KCNIP4: variants seen among roughly 807,000 people sequenced by gnomAD.
KCNIP4 encodes the protein Kv channel-interacting protein 4.
In KCNIP4, 12 loss-of-function variants were observed where a neutral mutation model predicts 34.0. That is an observed-to-expected ratio of 0.35 (90% CI 0.23 to 0.57). The LOEUF is 0.57. Among genes scored for constraint, KCNIP4 ranks in the 20% least tolerant of loss-of-function variants. The pLI is 0.83. For synonymous variants in KCNIP4, 124 were observed against 102.2 expected (o/e 1.21, Z -1.29); for missense variants, 238 against 311.7 (o/e 0.76, Z 1.78).
chr4:21,100,707 G>C (rs985557988), intron 1 of KCNIP4, among the ~76,000 whole-genome samples: 8 of 152,062 alleles, frequency 5.3e-5, no homozygotes, highest in Non-Finnish European at 8.8e-5. Context: ...GCATTTTTTT[G>C]GCAATCAAGT....
At chr4:20,854,194 C>T (rs114209524) in intron 2 of KCNIP4, among the ~76,000 whole-genome samples, 16,011 of 152,204 alleles carry the variant, frequency 0.11, 920 homozygotes, top group Middle Eastern at 0.14. Flanking sequence ...TGCACATGCA[C>T]GTTTACAGCG....
intron 1 of KCNIP4, among the ~76,000 whole-genome samples, chr4:21,722,354 AG>A (rs562500279): frequency 8.5e-4 from 130 of 152,226 alleles, no homozygotes; most frequent in African/African-American, 3.1e-3. Flanking sequence ...AAATGTGTTC[AG>A]GGTAGGCGTT....
At chr4:21,937,655 GT>G (rs1464434964) in intron 1 of KCNIP4, among the ~76,000 whole-genome samples, 1 of 151,888 alleles carries the variant, frequency 6.6e-6, no homozygotes, top group East Asian at 1.9e-4. Flanking sequence ...AACCATTCAG[GT>G]TTTTTTCAAC....
chr4:21,871,251 C>T (rs1329720711), intron 1 of KCNIP4, among the ~76,000 whole-genome samples: 1 of 120,354 alleles, frequency 8.3e-6, no homozygotes, highest in Non-Finnish European at 1.7e-5. Flanking sequence ...CCCCTCCCCC[C>T]TCCCCGCTCC....
At chr4:21,096,720 A>G (rs1446345079) in intron 1 of KCNIP4, among the ~76,000 whole-genome samples, 1 of 152,062 alleles carries the variant, frequency 6.6e-6, no homozygotes, top group Non-Finnish European at 1.5e-5. Context: ...TTTGGTTTTC[A>G]CTTCATATGT....
At chr4:21,915,739 C>A (rs1039446817) in intron 1 of KCNIP4, among the ~76,000 whole-genome samples, 1 of 152,164 alleles carries the variant, frequency 6.6e-6, no homozygotes, top group African/African-American at 2.4e-5. Flanking sequence ...TTGTAGAGAC[C>A]ATCTCTTTCT....
chr4:20,907,999 T>A (rs940312091), intron 1 of KCNIP4, among the ~76,000 whole-genome samples: 1 of 152,176 alleles, frequency 6.6e-6, no homozygotes, highest in African/African-American at 2.4e-5. Flanking sequence ...ATACTGCACA[T>A]TATTGTAATG....
At chr4:21,229,203 T>C (rs552097109) in intron 1 of KCNIP4, among the ~76,000 whole-genome samples, 15 of 152,294 alleles carry the variant, frequency 9.8e-5, no homozygotes, top group Non-Finnish European at 1.9e-4. Context: ...TCATCCGTCT[T>C]CACAAATAAT....
chr4:21,270,621 A>G lies in KCNIP4; in HGVS notation c.62-387912T>C, dbSNP rs559918626. Among the ~76,000 whole-genome samples the G allele has an allele frequency of 3.3e-5, 5 of 152,322 alleles. No individual in the cohort carries two copies. The East Asian group carries it at 9.6e-4, about 29-fold the overall frequency. On this transcript the variant is annotated intron_variant, in intron 1 of 8. Transcript: ENST00000382152. ...TCTGCCACCTTTTTCTGGTTTCTCC[A>G]TTAATAAATATTTGCTATTAGCTCA... is the stretch of plus-strand genomic sequence containing the variant.
intron 1 of KCNIP4, among the ~76,000 whole-genome samples, chr4:20,985,930 G>A (rs1402019983): frequency 6.6e-6 from 1 of 152,118 alleles, no homozygotes; most frequent in African/African-American, 2.4e-5. Context: ...ACCCTTGCTT[G>A]CTCCATGACC....
In KCNIP4 at chr4:21,691,215, A is replaced by C. The variant is rs534615259; in HGVS notation, c.61+257356T>G. ...GCAGGTTCCTAGGATGGGGTCAGAC[A>C]ATGGAAGCAGTAGCAGAAACTCTGA... On this transcript the variant is annotated intron_variant, in intron 1 of 8. Transcript: ENST00000382152. Among the ~76,000 whole-genome samples, 174 of 152,310 alleles carry C rather than the reference A, an allele frequency of 1.1e-3. 1 individual carries two copies. Among genetic ancestry groups the C allele is most frequent in the Non-Finnish European group, 1.1e-3 (77 of 68,020 alleles).
At chr4:21,295,304 G>A (rs750330551) in intron 1 of KCNIP4, among the ~76,000 whole-genome samples, 8 of 152,130 alleles carry the variant, frequency 5.3e-5, no homozygotes, top group South Asian at 2.1e-4. Context: ...GGTATCTGGT[G>A]CAGAGCAAAG....
chr4:21,795,645 CT>C (rs796560456), intron 1 of KCNIP4, among the ~76,000 whole-genome samples: 46 of 150,206 alleles, frequency 3.1e-4, no homozygotes, highest in Admixed American at 8.0e-4. Context: ...TCACACAATA[CT>C]TTTTTTTTTC....
At chr4:21,451,420 G>A (rs562476557) in intron 1 of KCNIP4, among the ~76,000 whole-genome samples, 1 of 152,246 alleles carries the variant, frequency 6.6e-6, no homozygotes, top group African/African-American at 2.4e-5. Flanking sequence ...AGTGAAAAGA[G>A]ATTAAAGTCA....
At chr4:21,182,904 C>A (rs1754947977) in intron 1 of KCNIP4, among the ~76,000 whole-genome samples, 2 of 152,072 alleles carry the variant, frequency 1.3e-5, no homozygotes, top group South Asian at 4.1e-4. Flanking sequence ...CAGCAATTTT[C>A]AAAAATATGT....
chr4:21,263,140 G>C (rs566873427), intron 1 of KCNIP4, among the ~76,000 whole-genome samples: 93 of 152,286 alleles, frequency 6.1e-4, no homozygotes, highest in African/African-American at 2.2e-3. Flanking sequence ...ACACTGACAT[G>C]AGTAATTGGT....
In KCNIP4 at chr4:21,218,977, A is replaced by G. The variant is rs114432142; in HGVS notation, c.62-336268T>C. The stretch of plus-strand genomic sequence containing the variant: ...TCTTGACAATATTTTTAGGACTTCT[A>G]GAAATATTATAAATTCGTAAATTTA... On this transcript the variant is annotated intron_variant, in intron 1 of 8. Coordinates refer to ENST00000382152, the MANE Select transcript of KCNIP4 (RefSeq NM_025221.6). 9.4e-3 allele frequency among the ~76,000 whole-genome samples: 1,434 copies of G among 152,294 alleles called. 25 individuals carry two copies. Among genetic ancestry groups the G allele is most frequent in the African/African-American group, 0.033 (1,359 of 41,560 alleles).
At chr4:21,655,840 C>G (rs1747879302) in intron 1 of KCNIP4, among the ~76,000 whole-genome samples, 1 of 152,144 alleles carries the variant, frequency 6.6e-6, no homozygotes. Context: ...CAAATGTGTT[C>G]TGCAAAATAT....
chr4:21,593,276 G>A (rs1272906297), intron 1 of KCNIP4, among the ~76,000 whole-genome samples: 1 of 151,958 alleles, frequency 6.6e-6, no homozygotes, highest in Non-Finnish European at 1.5e-5. Flanking sequence ...GCCACTTCTG[G>A]GCTGAATGCC....
Sources: gnomAD v4.1 joint callset for allele counts (sites outside exome capture counted in the v4.1 genomes callset) on GRCh38, gnomAD v4.1.1 for gene constraint, MANE v1.5 for transcripts, NCBI Gene and HGNC (gene_info 2026-07-23, HGNC 2026-07-21) for gene names.